MCC: variants seen among roughly 807,000 people sequenced by gnomAD.
The protein encoded by MCC is colorectal mutant cancer protein.
A neutral mutation model predicts 116.2 loss-of-function variants in MCC; 90 were observed. The ratio of observed to expected loss-of-function variants is 0.77; its 90% CI spans 0.65 to 0.92. MCC has a LOEUF of 0.92. Ranked by LOEUF, MCC falls within the 40% of genes least tolerant of loss-of-function variation. The pLI, the probability that MCC is intolerant of heterozygous loss-of-function variation, is 0.00. For missense variants in MCC, 1,516 were observed against 1,312.2 expected, an observed-to-expected ratio of 1.16 and a Z score of -2.40; for synonymous variants, 578 against 510.5, an observed-to-expected ratio of 1.13 and a Z score of -1.78.
intron 6 of MCC, among the ~76,000 whole-genome samples, chr5:113,121,297 C>A (rs1355307459): frequency 1.3e-5 from 2 of 152,162 alleles, no homozygotes; most frequent in Non-Finnish European, 2.9e-5. Context: ...TCTCTTCCCC[C>A]ACTATTAAAA....
At chr5:113,312,031 G>A (rs1335053383) in intron 3 of MCC, among the ~76,000 whole-genome samples, 1 of 152,136 alleles carries the variant, frequency 6.6e-6, no homozygotes, top group Non-Finnish European at 1.5e-5. Context: ...GCTTGAAACC[G>A]GGCGGCAGAG....
intron 2 of MCC, among the ~76,000 whole-genome samples, chr5:113,374,881 A>G (rs1248643520): frequency 6.6e-6 from 1 of 151,250 alleles, no homozygotes; most frequent in Non-Finnish European, 1.5e-5. Context: ...GGTCTCAGCT[A>G]CTCAGGAGGC....
At chr5:113,237,050 C>T (rs914104412) in intron 3 of MCC, among the ~76,000 whole-genome samples, 2 of 152,132 alleles carry the variant, frequency 1.3e-5, no homozygotes, top group African/African-American at 4.8e-5. Context: ...ACTGGAAGTC[C>T]TTGGGGAATT....
chr5:113,321,888 A>G (rs558560369), intron 3 of MCC, among the ~76,000 whole-genome samples: 34 of 151,900 alleles, frequency 2.2e-4, no homozygotes, highest in Non-Finnish European at 4.6e-4. Flanking sequence ...CTGGAGTGCA[A>G]TGGTGCCATC....
chr5:113,451,992 C>T (rs1360891065), intron 1 of MCC, among the ~76,000 whole-genome samples: 3 of 152,220 alleles, frequency 2.0e-5, no homozygotes, highest in Non-Finnish European at 4.4e-5. Flanking sequence ...CCATGTTTGG[C>T]TGTAGGCACT....
chr5:113,181,613 G>A (rs1284045387), intron 3 of MCC, among the ~76,000 whole-genome samples: 1 of 152,092 alleles, frequency 6.6e-6, no homozygotes, highest in Non-Finnish European at 1.5e-5. Flanking sequence ...TGCTTCTCTG[G>A]GTTTGTTTTC....
At chr5:113,439,639 G>A (rs1173704161) in intron 1 of MCC, among the ~76,000 whole-genome samples, 1 of 152,118 alleles carries the variant, frequency 6.6e-6, no homozygotes, top group Non-Finnish European at 1.5e-5. Context: ...AGCTGAGGAG[G>A]CAAAATCCTA....
chr5:113,465,390 TTAGA>T (rs1771873782), intron 1 of MCC, among the ~76,000 whole-genome samples: 1 of 152,062 alleles, frequency 6.6e-6, no homozygotes, highest in Non-Finnish European at 1.5e-5. Flanking sequence ...TCCTGAGGCA[TTAGA>T]TATTTAACTC....
intron 17 of MCC, among the ~76,000 whole-genome samples, chr5:113,035,974 T>G (rs1342755970): frequency 6.8e-6 from 1 of 147,500 alleles, no homozygotes; most frequent in African/African-American, 2.5e-5. Flanking sequence ...ACCTTGGAAG[T>G]CAGTACTATC....
intron 3 of MCC, among the ~76,000 whole-genome samples, chr5:113,191,680 G>A (rs572759536): frequency 2.6e-5 from 4 of 152,292 alleles, no homozygotes; most frequent in South Asian, 2.1e-4. Flanking sequence ...GAGGATGGGC[G>A]ACTTGATTTT....
intron 1 of MCC, among the ~76,000 whole-genome samples, chr5:113,467,049 A>G (rs1235628043): frequency 6.7e-6 from 1 of 148,978 alleles, no homozygotes; most frequent in Non-Finnish European, 1.5e-5. Flanking sequence ...TTTTCTTGTA[A>G]ATTTGTTTGA....
chr5:113,232,780 T>G (rs1195584343), intron 3 of MCC, among the ~76,000 whole-genome samples: 3 of 152,132 alleles, frequency 2.0e-5, no homozygotes, highest in Non-Finnish European at 2.9e-5. Context: ...AAACCCAGAC[T>G]CTTCACCATG....
At chr5:113,140,072 C>T (rs916913006) in intron 5 of MCC, among the ~76,000 whole-genome samples, 2 of 152,220 alleles carry the variant, frequency 1.3e-5, no homozygotes, top group South Asian at 4.1e-4. Flanking sequence ...AAAACTTCCC[C>T]GAGTTTTATT....
chr5:113,393,209 C>T (rs1384255254), intron 1 of MCC, among the ~76,000 whole-genome samples: 1 of 152,032 alleles, frequency 6.6e-6, no homozygotes, highest in Non-Finnish European at 1.5e-5. Flanking sequence ...TTTTTAAGAG[C>T]TGTGGACAAA....
At chr5:113,459,609 C>G (rs1274062011) in intron 1 of MCC, among the ~76,000 whole-genome samples, 1 of 152,132 alleles carries the variant, frequency 6.6e-6, no homozygotes, top group East Asian at 1.9e-4. Flanking sequence ...TATTCCCTGA[C>G]TGGTGGTGGA....
At chr5:113,053,690 G>T (rs773435844) in intron 15 of MCC, 35 bp downstream of exon 15, 1 of 1,492,938 alleles carries the variant, frequency 6.7e-7, no homozygotes, top group South Asian at 1.1e-5. Flanking sequence ...TCCTCCTGGT[G>T]GCAGCCTAGC....
intron 8 of MCC, chr5:113,101,356 T>C (rs1181499392): frequency 2.0e-5 from 4 of 196,294 alleles, no homozygotes; most frequent in Admixed American, 1.1e-4. Context: ...TAAAATTTTA[T>C]AGAAAAAAAT....
At chr5:113,333,846 T>TATATACATATGTACAC (rs1469058009) in intron 3 of MCC, among the ~76,000 whole-genome samples, 1 of 62,640 alleles carries the variant, frequency 1.6e-5, no homozygotes, top group Non-Finnish European at 3.1e-5. Flanking sequence ...TATATATGTA[T>TATATACATATGTACAC]ATATGTACAT....
At chr5:113,381,539 G>C (rs1056772236) in intron 2 of MCC, among the ~76,000 whole-genome samples, 1 of 152,140 alleles carries the variant, frequency 6.6e-6, no homozygotes, top group Non-Finnish European at 1.5e-5. Flanking sequence ...TGTAATCTCA[G>C]CACTCTGGGA....
Sources: allele counts gnomAD v4.1 joint callset (sites outside exome capture counted in the v4.1 genomes callset), GRCh38; gene constraint gnomAD v4.1.1; transcripts MANE v1.5; gene names NCBI Gene and HGNC (gene_info 2026-07-23, HGNC 2026-07-21).